The following ARHGAP8 variants were observed in gnomAD, a reference collection of about 807,000 sequenced individuals.
ARHGAP8 encodes the protein Rho GTPase activating protein 8, also known as rho GTPase-activating protein 8.
A neutral mutation model predicts 46.1 loss-of-function variants in ARHGAP8; 62 were observed. The observed-to-expected ratio is 1.34, with a 90% CI of 1.10 to 1.66. The LOEUF is 1.66. Ranked by LOEUF, ARHGAP8 falls within the 40% of genes most tolerant of loss-of-function variation. ARHGAP8 has a pLI of 0.00. For missense variants in ARHGAP8, 923 were observed against 568.4 expected, an observed-to-expected ratio of 1.62 and a Z score of -6.34; for synonymous variants, 375 against 243.1, an observed-to-expected ratio of 1.54 and a Z score of -5.05.
At position 44,759,823 on chromosome 22, in the gene ARHGAP8, G is replaced by A. The variant is rs538476495; in HGVS notation, c.-72+7196G>A. 3.6e-4 allele frequency among the ~76,000 whole-genome samples: 55 copies of A among 152,316 alleles called. No individual in the cohort carries two copies. In the South Asian group the frequency reaches 7.0e-3, roughly 20 times the overall value. Reference sequence around the variant, plus strand: ...ATGATTACTCTTAGCCTAACTGGGCGGGCCCTGGGAGGCGGGACAGCCTCA... The same window carrying A: ...ATGATTACTCTTAGCCTAACTGGGCAGGCCCTGGGAGGCGGGACAGCCTCA... On this transcript the variant is annotated intron_variant, in intron 1 of 11. Coordinates refer to ENST00000356099, the MANE Select transcript of ARHGAP8 (RefSeq NM_181335.3).
chr22:44,829,586 C>T (rs1031604281), intron 7 of ARHGAP8, among the ~76,000 whole-genome samples: 4 of 152,310 alleles, frequency 2.6e-5, no homozygotes, highest in South Asian at 2.1e-4. Flanking sequence ...GGCCACACTG[C>T]GCGTGCAGCT....
intron 5 of ARHGAP8, among the ~76,000 whole-genome samples, chr22:44,821,684 A>G (rs781371698): frequency 3.3e-5 from 5 of 152,244 alleles, no homozygotes; most frequent in Non-Finnish European, 5.9e-5. Context: ...GCAGTGGACT[A>G]GACCTGCAAA....
In ARHGAP8 at chr22:44,808,296, G is replaced by C; in HGVS notation, c.168-11G>C. On this transcript the variant is annotated splice_polypyrimidine_tract_variant and intron_variant, in intron 3 of 11. Transcript: ENST00000356099. ...TGATTTTCATAACTGAATCTTCTGTGTTGTGCCCAGGTATTTGAAGTACAC... is the reference window on the plus strand; with the variant it reads ...TGATTTTCATAACTGAATCTTCTGTCTTGTGCCCAGGTATTTGAAGTACAC... 6.2e-7 allele frequency: 1 copy of C among 1,610,218 alleles called. No homozygotes were observed. The highest frequency in any genetic ancestry group is 8.5e-7 in the Non-Finnish European group (1 of 1,177,544).
At chr22:44,830,630 G>C (rs554895439) in intron 7 of ARHGAP8, among the ~76,000 whole-genome samples, 1 of 152,166 alleles carries the variant, frequency 6.6e-6, no homozygotes, top group African/African-American at 2.4e-5. Context: ...TCCACCTCCT[G>C]GGTTCAAGCG....
intron 7 of ARHGAP8, among the ~76,000 whole-genome samples, chr22:44,841,326 G>T (rs1456224406): frequency 2.0e-5 from 3 of 152,196 alleles, no homozygotes; most frequent in African/African-American, 7.2e-5. Context: ...TTTTCTGCGT[G>T]CTGGGGTCCA....
At chr22:44,830,068 G>C (rs1031538936) in intron 7 of ARHGAP8, among the ~76,000 whole-genome samples, 2 of 148,500 alleles carry the variant, frequency 1.3e-5, no homozygotes, top group Non-Finnish European at 3.0e-5. Context: ...CTGTCGCCCA[G>C]GCTGGAGTGC....
Position 44,861,545 on chromosome 22 carries a change from G to GCCTC in ARHGAP8, c.982-724_982-721dup, listed in dbSNP as rs542051282. On this transcript the variant is annotated intron_variant, in intron 11 of 11. Transcript: ENST00000356099. ...ATCTGTGAGGGTGGTGCCTGGCCCTGCCTCCCTCCAGTTCTCTGCTCTGCC... is the reference window on the plus strand; with the variant it reads ...ATCTGTGAGGGTGGTGCCTGGCCCTGCCTCCCTCCCTCCAGTTCTCTGCTCTGCC... Among the ~76,000 whole-genome samples, 175 of 152,298 alleles carry GCCTC rather than the reference G, an allele frequency of 1.1e-3. 1 individual carries two copies. The highest frequency in any genetic ancestry group is 0.01 in the Middle Eastern group (3 of 294).
rs553983391 is a variant in ARHGAP8, at chr22:44,830,076, T to C, written c.596+4483T>C. The stretch of plus-strand genomic sequence containing the variant: ...TCTCACTCTGTCGCCCAGGCTGGAG[T>C]GCAGTGGCACGATCTCTGCTCACTG... On this transcript the variant is annotated intron_variant, in intron 7 of 11. Transcript: ENST00000356099. Among the ~76,000 whole-genome samples the C allele has an allele frequency of 2.7e-5, 4 of 149,720 alleles. No individual in the cohort carries two copies. The South Asian group carries it at 6.3e-4, about 24-fold the overall frequency.
intron 7 of ARHGAP8, among the ~76,000 whole-genome samples, chr22:44,828,252 C>A (rs1184142485): frequency 6.6e-6 from 1 of 152,136 alleles, no homozygotes. Context: ...ACTTCCTTTT[C>A]CTTTTTCAGA....
At chr22:44,837,851 T>G (rs1376197542) in intron 7 of ARHGAP8, among the ~76,000 whole-genome samples, 2 of 152,198 alleles carry the variant, frequency 1.3e-5, no homozygotes, top group Admixed American at 1.3e-4. Flanking sequence ...AAAACCCGCT[T>G]GGCTGGGAGC....
chr22:44,839,373 C>T (rs936837268), intron 7 of ARHGAP8, among the ~76,000 whole-genome samples: 59 of 152,130 alleles, frequency 3.9e-4, no homozygotes, highest in African/African-American at 1.2e-3. Flanking sequence ...AACCACCCAT[C>T]GAGATTGGAT....
At chr22:44,813,615 A>ATG (rs1929515481) in intron 4 of ARHGAP8, among the ~76,000 whole-genome samples, 1 of 151,318 alleles carries the variant, frequency 6.6e-6, no homozygotes, top group South Asian at 2.1e-4. Flanking sequence ...ACACACACTT[A>ATG]CGCTTACTTA....
chr22:44,816,052 C>T (rs5765031), intron 5 of ARHGAP8, among the ~76,000 whole-genome samples: 20,092 of 151,910 alleles, frequency 0.13, 1,969 homozygotes, highest in East Asian at 0.37. Flanking sequence ...GATGAAGCCT[C>T]TGGGGACAGG....
intron 2 of ARHGAP8, among the ~76,000 whole-genome samples, chr22:44,801,150 TCTCCCCGCAGCTGTCCATGTGTGG>T (rs1928496273): frequency 2.6e-5 from 1 of 38,610 alleles, no homozygotes; most frequent in Non-Finnish European, 4.1e-5. Flanking sequence ...TGGGGGCACC[TCTCCCCGCAGCTGTCCATGTGTGG>T]GGGGCGCCCC....
intron 1 of ARHGAP8, among the ~76,000 whole-genome samples, chr22:44,785,482 G>A (rs1175324945): frequency 6.6e-6 from 1 of 152,022 alleles, no homozygotes; most frequent in Non-Finnish European, 1.5e-5. Flanking sequence ...CTGTGACTCC[G>A]TCCTCACACA....
At chr22:44,794,810 A>T (rs1927958819) in intron 2 of ARHGAP8, among the ~76,000 whole-genome samples, 1 of 152,094 alleles carries the variant, frequency 6.6e-6, no homozygotes, top group Non-Finnish European at 1.5e-5. Context: ...CTGTCATGGC[A>T]CTTGCTCTAA....
intron 4 of ARHGAP8, among the ~76,000 whole-genome samples, chr22:44,811,218 T>C (rs2147097178): frequency 6.6e-6 from 1 of 152,324 alleles, no homozygotes; most frequent in Non-Finnish European, 1.5e-5. Context: ...CCAGGTAAGA[T>C]GTGCCAGTGG....
intron 1 of ARHGAP8, among the ~76,000 whole-genome samples, chr22:44,759,519 T>G (rs1924960113): frequency 6.6e-6 from 1 of 152,168 alleles, no homozygotes; most frequent in Non-Finnish European, 1.5e-5. Flanking sequence ...AGATCAGGTG[T>G]GGCTTGATCA....
chr22:44,760,751 G>T (rs573673093), intron 1 of ARHGAP8, among the ~76,000 whole-genome samples: 35 of 152,290 alleles, frequency 2.3e-4, no homozygotes, highest in Non-Finnish European at 4.4e-4. Flanking sequence ...TAGAACAGTT[G>T]GGTGATTTGA....
Sources: allele counts gnomAD v4.1 joint callset (sites outside exome capture counted in the v4.1 genomes callset), GRCh38; gene constraint gnomAD v4.1.1; transcripts MANE v1.5; gene names NCBI Gene and HGNC (gene_info 2026-07-23, HGNC 2026-07-21).